Variants in SPG11 observed in about 807,000 individuals in gnomAD.
SPG11 encodes SPG11 vesicle trafficking associated, spatacsin, also known as spatacsin.
A neutral mutation model predicts 274.0 loss-of-function variants in SPG11; 222 were observed. The observed-to-expected ratio is 0.81, with a 90% confidence interval of 0.73 to 0.91. The LOEUF (loss-of-function observed/expected upper bound fraction) is 0.91. SPG11 is among the 40% of genes least tolerant of loss of function. The pLI is 0.00. For missense variants in SPG11, 3,114 were observed against 2,872.7 expected (o/e 1.08, Z -1.92); for synonymous variants, 1,144 against 1,039.7 (o/e 1.10, Z -1.93).
intron 30 of SPG11, among the ~76,000 whole-genome samples, chr15:44,578,145 C>T (rs2082582897): frequency 6.6e-6 from 1 of 151,498 alleles, no homozygotes; most frequent in Admixed American, 6.6e-5. Flanking sequence ...CTGCCTCAGC[C>T]TCCCGAGGAG....
chr15:44,595,595 T>A, intron 25 of SPG11, 136 bp from the exon 26 acceptor site: 1 of 953,916 alleles, frequency 1.0e-6, no homozygotes, highest in East Asian at 2.6e-5. Context: ...CCTTCAAACA[T>A]GAAACAAACT....
intron 18 of SPG11, 72 bp downstream of exon 18, chr15:44,610,768 T>C: frequency 6.7e-6 from 9 of 1,338,674 alleles, no homozygotes; most frequent in South Asian, 5.9e-5. Context: ...TCAGCTGAGA[T>C]CTAGACAATC....
intron 22 of SPG11, 46 bp downstream of exon 22, chr15:44,598,575 CTTAGACCTCG>C (rs770961515): frequency 1.2e-5 from 18 of 1,535,902 alleles, no homozygotes; most frequent in Non-Finnish European, 1.4e-5. Flanking sequence ...AATTCAATGC[CTTAGACCTCG>C]TCACACCTTC....
At chr15:44,659,010 A>G in intron 3 of SPG11, 69 bp downstream of exon 3, 1 of 1,487,250 alleles carries the variant, frequency 6.7e-7, no homozygotes, top group South Asian at 1.1e-5. Context: ...ACTAAAGCCT[A>G]AAAAGGCTCA....
intron 14 of SPG11, chr15:44,621,263 T>C (rs944322583): frequency 1.3e-5 from 2 of 156,028 alleles, no homozygotes; most frequent in Non-Finnish European, 2.8e-5. Flanking sequence ...ACCCTTTTTT[T>C]CCCTTCTCTT....
At chr15:44,582,809 C>A in intron 30 of SPG11, among the ~76,000 whole-genome samples, 1 of 151,282 alleles carries the variant, frequency 6.6e-6, no homozygotes, top group Non-Finnish European at 1.5e-5. Flanking sequence ...AATAACATGA[C>A]AAAATTCAAA....
In SPG11 at chr15:44,584,147, T is replaced by C. The variant is rs764167599; in HGVS notation, c.5533A>G (p.Lys1845Glu). Reference sequence around the variant, plus strand: ...TTTGATGTGTTCAGAGCAGCCAACTTGGAGAAGGAAAACTCACTGGCTAAA... The same window carrying C: ...TTTGATGTGTTCAGAGCAGCCAACTCGGAGAAGGAAAACTCACTGGCTAAA... The part of the protein sequence containing the change: ...DSLASEFSFS[K>E]LAALNTSKYL... Residue 1845 changes from lysine (K) to glutamate (E), a missense_variant, in exon 30 of 40, where the codon AAG (lysine) becomes GAG (glutamate). By Grantham distance (56) the Lys-to-Glu change is moderately conservative (BLOSUM62 1). Transcript: ENST00000261866. 1 of 1,614,202 alleles carries C rather than the reference T, an allele frequency of 6.2e-7. No individual in the cohort carries two copies. Among genetic ancestry groups the C allele is most frequent in the South Asian group, 1.1e-5 (1 of 91,090 alleles).
chr15:44,636,534 C>T (rs376581197), intron 7 of SPG11, among the ~76,000 whole-genome samples: 7 of 151,858 alleles, frequency 4.6e-5, no homozygotes, highest in African/African-American at 1.2e-4. Flanking sequence ...TGGTGGCGGG[C>T]GCCTATAATC....
intron 7 of SPG11, among the ~76,000 whole-genome samples, chr15:44,642,786 C>T (rs1278616692): frequency 6.6e-6 from 1 of 152,022 alleles, no homozygotes; most frequent in East Asian, 1.9e-4. Flanking sequence ...AGGAGGATCA[C>T]TTGAGCCCAG....
chr15:44,600,475 G>A lies in SPG11; in HGVS notation c.3678C>T (p.Pro1226=). 6.2e-7 allele frequency: 1 copy of A among 1,613,934 alleles called. No individual in the cohort carries two copies. The highest frequency in any genetic ancestry group is 1.3e-5 in the African/African-American group (1 of 75,006). Residue 1226 remains proline (P), a synonymous_variant, in exon 21 of 40, where the codon CCC becomes CCT. Coordinates refer to ENST00000261866, the MANE Select transcript of SPG11 (RefSeq NM_025137.4). ...ATATTTTAAATACTCACAGCTGCTT[G>A]GGAGTCTTGCTCTTGATTAATTCCT... ...LVQELIKSKT[P]KQLIQQVGNE...
In SPG11 at chr15:44,585,766, T is replaced by A. The variant is rs1350427430; in HGVS notation, c.4991A>T (p.Tyr1664Phe). The A allele has an allele frequency of 6.2e-7, 1 of 1,614,010 alleles. No homozygotes were observed. The highest frequency in any genetic ancestry group is 2.2e-5 in the East Asian group (1 of 44,896). ...IAINHTIITS[Y>F]SIENLQHECR... Reference sequence around the variant, plus strand: ...TTCATGCTGAAGATTCTCAATGCTGTAGCTGGTAATAATTGTATGATTAAT... The same window carrying A: ...TTCATGCTGAAGATTCTCAATGCTGAAGCTGGTAATAATTGTATGATTAAT... The change falls in exon 29 of 40, where the codon TAC (tyrosine) becomes TTC (phenylalanine). Residue 1664 changes from tyrosine (Y) to phenylalanine (F), a missense_variant. Transcript: ENST00000261866.
At chr15:44,581,619 C>T (rs569881770) in intron 30 of SPG11, among the ~76,000 whole-genome samples, 72 of 148,882 alleles carry the variant, frequency 4.8e-4, no homozygotes, top group Non-Finnish European at 7.9e-4. Flanking sequence ...AAAGGCTGGG[C>T]GTGGTGGCTC....
At chr15:44,597,107 ATTCT>A (rs1567149817) in intron 23 of SPG11, 164 bp from the exon 24 acceptor site, 10 of 464,174 alleles carry the variant, frequency 2.2e-5, no homozygotes, top group Admixed American at 1.8e-4. Flanking sequence ...AAAAAAGTAG[ATTCT>A]TTTTTTTTTT....
intron 29 of SPG11, 21 bp downstream of exon 29, chr15:44,585,602 TAAAAAAAAAAAAA>T: frequency 8.4e-7 from 1 of 1,193,774 alleles, no homozygotes; most frequent in Non-Finnish European, 1.1e-6. Context: ...ACCCCGTATC[TAAAAAAAAAAAAA>T]AAAAAAAAGA....
Position 44,572,783 on chromosome 15 carries a change from C to T in SPG11, c.6243G>A (p.Gln2081=). Residue 2081 remains glutamine (Q), a synonymous_variant, in exon 33 of 40, where the codon CAG becomes CAA. Coordinates refer to ENST00000261866, the MANE Select transcript of SPG11 (RefSeq NM_025137.4). ...KQMFNPTEES[Q]TFLQLTTLCQ... is the part of the protein sequence containing the mutation. ...ACAGAGTGGTCAGCTGAAGAAATGT[C>T]TGGCTTTCCTCTGTTGGGTTGAACA... 1.2e-6 allele frequency: 2 copies of T among 1,614,070 alleles called. No homozygotes were observed. Among genetic ancestry groups the T allele is most frequent in the African/African-American group, 1.3e-5 (1 of 75,006 alleles).
At chr15:44,617,585 A>C (rs2083621291) in intron 15 of SPG11, among the ~76,000 whole-genome samples, 1 of 152,160 alleles carries the variant, frequency 6.6e-6, no homozygotes, top group African/African-American at 2.4e-5. Context: ...CCCGGCACCA[A>C]TACTCTGTCT....
chr15:44,601,192 C>A (rs996256621), intron 20 of SPG11, among the ~76,000 whole-genome samples: 2 of 152,044 alleles, frequency 1.3e-5, no homozygotes, highest in Admixed American at 1.3e-4. Context: ...GGTCTTGACA[C>A]CACTAGCTGC....
intron 34 of SPG11, 89 bp downstream of exon 34, chr15:44,570,436 A>C: frequency 6.4e-7 from 1 of 1,558,712 alleles, no homozygotes; most frequent in Non-Finnish European, 8.8e-7. Flanking sequence ...ACCCCCTACG[A>C]CTACATCAGC....
chr15:44,604,955 AAAAAAGT>A (rs2083283971), intron 20 of SPG11, among the ~76,000 whole-genome samples: 1 of 151,388 alleles, frequency 6.6e-6, no homozygotes, highest in South Asian at 2.1e-4. Flanking sequence ...AAAAAAAAAA[AAAAAAGT>A]ATTACATTTT....
Sources: gnomAD v4.1 joint callset for allele counts (sites outside exome capture counted in the v4.1 genomes callset) on GRCh38, gnomAD v4.1.1 for gene constraint, MANE v1.5 for transcripts, NCBI Gene and HGNC (gene_info 2026-07-23, HGNC 2026-07-21) for gene names.